The following ZNF808 variants were observed in gnomAD, a reference collection of about 807,000 sequenced individuals.
ZNF808 encodes the protein zinc finger protein 808.
A neutral mutation model predicts 8.7 loss-of-function variants in ZNF808; 5 were observed. The ratio of observed to expected loss-of-function variants is 0.58; its 90% CI spans 0.30 to 1.21. ZNF808 has a LOEUF of 1.21. Among genes scored for constraint, ZNF808 ranks in the 50% most tolerant of loss-of-function variants. The pLI, the probability that ZNF808 is intolerant of heterozygous loss-of-function variation, is 0.07. For missense variants in ZNF808, 1,103 were observed against 1,098.4 expected (o/e 1.00, Z -0.06); for synonymous variants, 380 against 366.0 (o/e 1.04, Z -0.44).
chr19:52,547,658 A>G lies in ZNF808; in HGVS notation c.190+20A>G. 6.2e-7 allele frequency: 1 copy of G among 1,612,574 alleles called. No homozygotes were observed. The highest frequency in any genetic ancestry group is 1.7e-4 in the Middle Eastern group (1 of 6,052). ...CTGTGGGTGAGGAAAATGTCCCTGCAGACATGAGGAGTCTGCTCCTGTCTA... is the reference window on the plus strand; with the variant it reads ...CTGTGGGTGAGGAAAATGTCCCTGCGGACATGAGGAGTCTGCTCCTGTCTA... On this transcript the variant is annotated intron_variant, in intron 4 of 4. Transcript: ENST00000359798.
intron 3 of ZNF808, among the ~76,000 whole-genome samples, chr19:52,546,188 G>GTTTTT (rs35937083): frequency 7.1e-6 from 1 of 140,230 alleles, no homozygotes; most frequent in Admixed American, 7.2e-5. Flanking sequence ...CATCATAACA[G>GTTTTT]TTTTTTTTTT....
chr19:52,541,719 G>A (rs1354380824), intron 2 of ZNF808, among the ~76,000 whole-genome samples: 1 of 151,686 alleles, frequency 6.6e-6, no homozygotes, highest in Non-Finnish European at 1.5e-5. Flanking sequence ...ATTAAAATCA[G>A]GGGATTAGAC....
At chr19:52,551,746 T>A (rs145879290) in intron 4 of ZNF808, among the ~76,000 whole-genome samples, 1 of 152,060 alleles carries the variant, frequency 6.6e-6, no homozygotes, top group Admixed American at 6.6e-5. Flanking sequence ...CTCACACCTG[T>A]GATCCCAGAA....
chr19:52,529,911 ATTT>A lies in ZNF808; in HGVS notation c.-122+2210_-122+2212del, dbSNP rs201852253. On this transcript the variant is annotated intron_variant, in intron 1 of 4. Transcript: ENST00000359798. ...AGTTTACATATATATATATATATAT[ATTT>A]TTTTTTTTTGTAGAAACGTGGTTTC... 5.0e-3 allele frequency among the ~76,000 whole-genome samples: 413 copies of A among 81,896 alleles called. 2 individuals are homozygous for A. The East Asian group carries it at 0.058, about 12-fold the overall frequency. The allele number at this position is 81,896 out of a possible 152,430, so 53.7% of individuals were successfully genotyped here.
chr19:52,536,494 G>T (rs1178912512), intron 2 of ZNF808, among the ~76,000 whole-genome samples: 1 of 152,070 alleles, frequency 6.6e-6, no homozygotes, highest in Non-Finnish European at 1.5e-5. Context: ...TTAAGGCGCC[G>T]TCGCCCCCTA....
chr19:52,538,344 T>G (rs2059633564), intron 2 of ZNF808, among the ~76,000 whole-genome samples: 1 of 152,058 alleles, frequency 6.6e-6, no homozygotes, highest in South Asian at 2.1e-4. Flanking sequence ...ATTATTATTA[T>G]TATTATTAGT....
At chr19:52,531,475 C>CAATA (rs1306390890) in intron 1 of ZNF808, among the ~76,000 whole-genome samples, 2 of 151,846 alleles carry the variant, frequency 1.3e-5, no homozygotes, top group Admixed American at 6.6e-5. Context: ...AACTCCATCT[C>CAATA]AATAAATAAA....
chr19:52,540,162 C>A (rs2059656809), intron 2 of ZNF808, among the ~76,000 whole-genome samples: 1 of 152,068 alleles, frequency 6.6e-6, no homozygotes, highest in Admixed American at 6.6e-5. Flanking sequence ...CAGGTGTGCA[C>A]CACTATGCCC....
chr19:52,532,507 T>C (rs2059570009), intron 1 of ZNF808, among the ~76,000 whole-genome samples: 1 of 152,224 alleles, frequency 6.6e-6, no homozygotes, highest in African/African-American at 2.4e-5. Context: ...CAATATAATA[T>C]ATTGTGTGGT....
intron 4 of ZNF808, among the ~76,000 whole-genome samples, chr19:52,548,754 AT>A (rs1375728517): frequency 9.2e-5 from 14 of 152,230 alleles, no homozygotes; most frequent in African/African-American, 3.4e-4. Context: ...GCTGAATAAT[AT>A]TCCATTGTAT....
At chr19:52,561,492 A>G (rs2059858137) in intron 3 of ZNF808, among the ~76,000 whole-genome samples, 1 of 151,728 alleles carries the variant, frequency 6.6e-6, no homozygotes, top group Admixed American at 6.6e-5. Flanking sequence ...GGGGTCATGT[A>G]CATGAACACA....
intron 2 of ZNF808, among the ~76,000 whole-genome samples, chr19:52,535,106 C>A (rs28621792): frequency 1.3e-5 from 2 of 150,056 alleles, no homozygotes; most frequent in African/African-American, 2.5e-5. Flanking sequence ...CTGAGGTGGG[C>A]GGATCACAAG....
In ZNF808 at chr19:52,554,841, C is replaced by A. The variant is rs745943688; in HGVS notation, c.1925C>A (p.Thr642Lys). ...FTWNSQLARH[T>K]RIHTGEKTYK... ...TGGAATTCACAGCTGGCACGACATACAAGAATTCACACTGGAGAAAAAACT... is the reference window on the plus strand; with the variant it reads ...TGGAATTCACAGCTGGCACGACATAAAAGAATTCACACTGGAGAAAAAACT... Residue 642 changes from threonine to lysine, a missense_variant, in exon 5 of 5, where the codon ACA becomes AAA. By Grantham distance (78) the Thr-to-Lys change is moderately conservative (BLOSUM62 -1). Transcript: ENST00000359798. 1.9e-6 allele frequency: 3 copies of A among 1,613,510 alleles called. No individual in the cohort carries two copies. The highest frequency in any genetic ancestry group is 1.3e-5 in the African/African-American group (1 of 74,722).
intron 2 of ZNF808, among the ~76,000 whole-genome samples, chr19:52,538,517 G>A (rs2059635897): frequency 6.6e-6 from 1 of 150,452 alleles, no homozygotes; most frequent in South Asian, 2.1e-4. Flanking sequence ...GCTAATTTTG[G>A]ATTAGGAGGC....
downstream of ZNF808, among the ~76,000 whole-genome samples, chr19:52,567,527 TA>T (rs1228431164): frequency 7.1e-6 from 1 of 141,520 alleles, no homozygotes; most frequent in Non-Finnish European, 1.5e-5. Context: ...TTATTATTAT[TA>T]TTATTTTGTT....
rs1202985317 is a variant in ZNF808, at chr19:52,551,999, A to G, written c.191-1108A>G. 2.0e-5 allele frequency among the ~76,000 whole-genome samples: 3 copies of G among 152,056 alleles called. No individual in the cohort carries two copies. In the East Asian group the frequency reaches 5.8e-4, roughly 29 times the overall value. On this transcript the variant is annotated intron_variant, in intron 4 of 4. Coordinates refer to ENST00000359798, the MANE Select transcript of ZNF808 (RefSeq NM_001039886.4). ...AGTTGGAGTGCAAGACTCCTTCTCA[A>G]AACAATAAAAATGGAAACAAATTTT...
At chr19:52,537,415 A>AGTG (rs1200393838) in intron 2 of ZNF808, among the ~76,000 whole-genome samples, 1 of 151,528 alleles carries the variant, frequency 6.6e-6, no homozygotes, top group East Asian at 2.0e-4. Flanking sequence ...GGCCAGGTGC[A>AGTG]GTGGCTCATG....
chr19:52,546,162 T>C lies in ZNF808; in HGVS notation c.64-1350T>C, dbSNP rs1158013963. ...CATGGGAAGCATTCAAAAATGTTAG[T>C]CATGGCTATTGCTGTCATCATAACA... On this transcript the variant is annotated intron_variant, in intron 3 of 4. Transcript: ENST00000359798. Among the ~76,000 whole-genome samples the C allele has an allele frequency of 8.6e-5, 13 of 151,870 alleles. No homozygotes were observed. The East Asian group carries it at 2.5e-3, about 30-fold the overall frequency.
At chr19:52,538,699 C>G (rs531091635) in intron 2 of ZNF808, among the ~76,000 whole-genome samples, 9 of 149,770 alleles carry the variant, frequency 6.0e-5, no homozygotes, top group Non-Finnish European at 1.3e-4. Flanking sequence ...GGGGGAAATG[C>G]AGAAAAGAAA....
Sources: allele counts gnomAD v4.1 joint callset (sites outside exome capture counted in the v4.1 genomes callset), GRCh38; gene constraint gnomAD v4.1.1; transcripts MANE v1.5; gene names NCBI Gene and HGNC (gene_info 2026-07-23, HGNC 2026-07-21).